Variants in RPS6KA2 observed in about 807,000 individuals in gnomAD.
RPS6KA2 encodes the protein ribosomal protein S6 kinase alpha-2.
Under a neutral mutation model 91.8 loss-of-function variants are expected in RPS6KA2, and 42 were observed. That is an observed-to-expected ratio of 0.46 (90% CI 0.36 to 0.59). The LOEUF (loss-of-function observed/expected upper bound fraction) is 0.59. Among genes scored for constraint, RPS6KA2 ranks in the 20% least tolerant of loss-of-function variants. The pLI is 0.00. For synonymous variants in RPS6KA2, 414 were observed against 393.6 expected (o/e 1.05, Z -0.61); for missense variants, 798 against 978.5 (o/e 0.82, Z 2.46).
At chr6:166,811,172 G>T (rs1779631566) in intron 2 of RPS6KA2, among the ~76,000 whole-genome samples, 1 of 152,176 alleles carries the variant, frequency 6.6e-6, no homozygotes, top group African/African-American at 2.4e-5. Flanking sequence ...TGATCTTATT[G>T]ATCATATTTT....
At chr6:166,764,518 A>G (rs1778255863) in intron 2 of RPS6KA2, among the ~76,000 whole-genome samples, 1 of 152,020 alleles carries the variant, frequency 6.6e-6, no homozygotes, top group African/African-American at 2.4e-5. Flanking sequence ...CACAGTGAGA[A>G]GGCGGGCAGG....
At chr6:166,532,789 G>A (rs1248531223) in intron 2 of RPS6KA2, among the ~76,000 whole-genome samples, 3 of 152,116 alleles carry the variant, frequency 2.0e-5, no homozygotes, top group Non-Finnish European at 4.4e-5. Context: ...TACCATCACC[G>A]ACAGTTAATA....
Position 166,494,483 on chromosome 6 carries a change from A to T in RPS6KA2, c.748-3742T>A, listed in dbSNP as rs948816614. On this transcript the variant is annotated intron_variant, in intron 8 of 20. Coordinates refer to ENST00000265678, the MANE Select transcript of RPS6KA2 (RefSeq NM_021135.6). This position sits in a 1 kb window ranked among gnomAD's most constrained non-coding sequence, Gnocchi z 5.1. ...TCCGTGCCCGTGGTTAAGAAACGGG[A>T]GAAGGATAAAGTGGTCTCACGAAAC... Among the ~76,000 whole-genome samples the T allele has an allele frequency of 8.5e-5, 13 of 152,178 alleles. No individual in the cohort carries two copies. Among genetic ancestry groups the T allele is most frequent in the African/African-American group, 2.9e-4 (12 of 41,426 alleles).
chr6:166,722,742 G>C (rs9459727), intron 2 of RPS6KA2, among the ~76,000 whole-genome samples: 1 of 152,230 alleles, frequency 6.6e-6, no homozygotes, highest in Non-Finnish European at 1.5e-5. Context: ...GCTTCTCCAC[G>C]TGAAGCAAAT....
At chr6:166,738,690 A>C (rs1231104418) in intron 2 of RPS6KA2, among the ~76,000 whole-genome samples, 1 of 152,228 alleles carries the variant, frequency 6.6e-6, no homozygotes, top group Non-Finnish European at 1.5e-5. Flanking sequence ...TTAAATAAAA[A>C]CGACGTCACT....
chr6:166,620,104 G>A (rs976066472), intron 1 of RPS6KA2, among the ~76,000 whole-genome samples: 7 of 152,200 alleles, frequency 4.6e-5, no homozygotes, highest in African/African-American at 1.7e-4. Flanking sequence ...GCAGGCCCCA[G>A]GCTTGCATTC....
In RPS6KA2 at chr6:166,471,341, C is replaced by T. The variant is rs562483951; in HGVS notation, c.908-1436G>A. On this transcript the variant is annotated intron_variant, in intron 10 of 20. Coordinates refer to ENST00000265678, the MANE Select transcript of RPS6KA2 (RefSeq NM_021135.6). ...CCTGACCCCTCCCACCCCTCCATTCCGCACTCTGGGCAGTGATGTGGAGGA... is the reference window on the plus strand; with the variant it reads ...CCTGACCCCTCCCACCCCTCCATTCTGCACTCTGGGCAGTGATGTGGAGGA... Among the ~76,000 whole-genome samples the T allele has an allele frequency of 5.9e-5, 9 of 152,320 alleles. No individual in the cohort carries two copies. The South Asian group carries it at 8.3e-4, about 14-fold the overall frequency.
At chr6:166,640,165 G>T (rs1787380906) in intron 2 of RPS6KA2, among the ~76,000 whole-genome samples, 1 of 151,910 alleles carries the variant, frequency 6.6e-6, no homozygotes, top group African/African-American at 2.4e-5. Flanking sequence ...GGAGTCAGCA[G>T]GAAAGAGGAA....
intron 3 of RPS6KA2, among the ~76,000 whole-genome samples, chr6:166,524,994 G>C (rs1449641431): frequency 6.6e-6 from 1 of 152,166 alleles, no homozygotes; most frequent in Non-Finnish European, 1.5e-5. Context: ...GTCTCCCAGA[G>C]GGGTCCGAGG....
chr6:166,725,651 G>T (rs887854645), intron 2 of RPS6KA2, among the ~76,000 whole-genome samples: 1 of 152,372 alleles, frequency 6.6e-6, no homozygotes, highest in Non-Finnish European at 1.5e-5. Flanking sequence ...GTGAGCCAGT[G>T]GGGGGTGGGG....
At chr6:166,518,012 A>G (rs1782717102) in intron 3 of RPS6KA2, among the ~76,000 whole-genome samples, 3 of 152,020 alleles carry the variant, frequency 2.0e-5, no homozygotes, top group Admixed American at 2.0e-4. Context: ...CCCACTCCAC[A>G]CGCTATATTT....
intron 10 of RPS6KA2, among the ~76,000 whole-genome samples, chr6:166,471,297 T>C (rs1181932355): frequency 1.3e-5 from 2 of 152,224 alleles, no homozygotes; most frequent in African/African-American, 4.8e-5. Flanking sequence ...GTGCCATCGT[T>C]GGCTGGAACT....
At chr6:166,844,539 TA>T (rs1172801413) in intron 2 of RPS6KA2, among the ~76,000 whole-genome samples, 1 of 152,184 alleles carries the variant, frequency 6.6e-6, no homozygotes, top group Non-Finnish European at 1.5e-5. Context: ...AGGTAACCTA[TA>T]AAGGAAAACC....
At chr6:166,451,919 G>GA (rs953212833) in intron 12 of RPS6KA2, among the ~76,000 whole-genome samples, 8 of 151,900 alleles carry the variant, frequency 5.3e-5, no homozygotes, top group African/African-American at 1.7e-4. Flanking sequence ...CCCTCGTGGG[G>GA]AAAAAAAATC....
intron 1 of RPS6KA2, among the ~76,000 whole-genome samples, chr6:166,614,423 G>A (rs1786326105): frequency 1.3e-5 from 2 of 152,146 alleles, no homozygotes; most frequent in South Asian, 4.1e-4. Flanking sequence ...CAGGCCCCGA[G>A]GGCAGGTGTT....
chr6:166,615,911 G>C (rs548543165), intron 1 of RPS6KA2, among the ~76,000 whole-genome samples: 1 of 152,190 alleles, frequency 6.6e-6, no homozygotes. Context: ...CTGCATTTGG[G>C]AGACATCTCC....
chr6:166,592,797 C>T (rs1275772161), intron 1 of RPS6KA2, among the ~76,000 whole-genome samples: 3 of 152,186 alleles, frequency 2.0e-5, no homozygotes, highest in Admixed American at 6.5e-5. Flanking sequence ...AAAGAACAGG[C>T]CTTCGGGGAA....
chr6:166,491,120 T>TAGG (rs769816702), intron 8 of RPS6KA2, among the ~76,000 whole-genome samples: 2 of 151,924 alleles, frequency 1.3e-5, no homozygotes, highest in Non-Finnish European at 2.9e-5. Context: ...AGGGATGAGC[T>TAGG]AGGAGGAGGA....
intron 10 of RPS6KA2, among the ~76,000 whole-genome samples, chr6:166,471,573 G>A (rs565882680): frequency 4.5e-4 from 69 of 152,374 alleles, no homozygotes; most frequent in African/African-American, 1.6e-3. Flanking sequence ...ATTAGAGGAA[G>A]GGCACACATT....
Sources: allele counts gnomAD v4.1 joint callset (sites outside exome capture counted in the v4.1 genomes callset), GRCh38; gene constraint gnomAD v4.1.1; non-coding constraint Gnocchi (gnomAD v3.1); transcripts MANE v1.5; gene names NCBI Gene and HGNC (gene_info 2026-07-23, HGNC 2026-07-21).